DYNC2H1: variants seen among roughly 807,000 people sequenced by gnomAD.
DYNC2H1 encodes dynein cytoplasmic 2 heavy chain 1.
DYNC2H1 carries 410 observed loss-of-function variants against 570.0 expected under a neutral mutation model. That is an observed-to-expected ratio of 0.72 (90% CI 0.66 to 0.78). The LOEUF is 0.78. DYNC2H1 is among the 30% of genes least tolerant of loss of function. The pLI is 0.00. For missense variants in DYNC2H1, 4,865 were observed against 5,046.4 expected (o/e 0.96, Z 1.09); for synonymous variants, 1,688 against 1,677.6 (o/e 1.01, Z -0.15).
intron 79 of DYNC2H1, among the ~76,000 whole-genome samples, chr11:103,312,559 AAAAAAAACC>A (rs1411997367): frequency 0.13 from 17,734 of 141,488 alleles, 1,318 homozygotes; most frequent in Admixed American, 0.22. Context: ...AAAAAAAAAA[AAAAAAAACC>A]AATTGTAATG....
intron 87 of DYNC2H1, among the ~76,000 whole-genome samples, chr11:103,457,570 AAAT>A (rs952612224): frequency 8.2e-5 from 7 of 85,710 alleles, no homozygotes; most frequent in African/African-American, 2.0e-4. Flanking sequence ...AAAACTTAAA[AAAT>A]AATGATATAA....
intron 83 of DYNC2H1, among the ~76,000 whole-genome samples, chr11:103,377,459 TTAGAC>T (rs1325372506): frequency 6.6e-6 from 1 of 152,072 alleles, no homozygotes; most frequent in Admixed American, 6.5e-5. Flanking sequence ...ATAAGAGAGA[TTAGAC>T]TATCGTACAT....
chr11:103,467,062 G>A (rs1717463364), intron 87 of DYNC2H1, among the ~76,000 whole-genome samples: 1 of 151,990 alleles, frequency 6.6e-6, no homozygotes, highest in Non-Finnish European at 1.5e-5. Context: ...CAAAATGGAT[G>A]CACCTTAAAA....
In DYNC2H1 at chr11:103,268,697, T is replaced by C. The variant is rs1865596005; in HGVS notation, c.10695+8720T>C. Among the ~76,000 whole-genome samples, 1 of 152,000 alleles carries C rather than the reference T, an allele frequency of 6.6e-6. No homozygotes were observed. The highest frequency in any genetic ancestry group is 1.5e-5 in the Non-Finnish European group (1 of 67,916). ...TATTTTAAGCTGCCCCAAATCTTTT[T>C]TGAAAGTGGATATGTTATAAATAAA... On this transcript the variant is annotated intron_variant, in intron 70 of 88. Transcript: ENST00000375735. This position sits in a 1 kb window ranked among gnomAD's most constrained non-coding sequence, Gnocchi z 4.6.
intron 82 of DYNC2H1, among the ~76,000 whole-genome samples, chr11:103,337,208 C>T (rs904734683): frequency 1.3e-5 from 2 of 152,184 alleles, no homozygotes; most frequent in African/African-American, 2.4e-5. Context: ...CCTAAGAATA[C>T]TTTTAGTTAA....
chr11:103,216,920 A>T (rs968959651), intron 55 of DYNC2H1, among the ~76,000 whole-genome samples: 1 of 152,190 alleles, frequency 6.6e-6, no homozygotes, highest in African/African-American at 2.4e-5. Context: ...AGATTATGGT[A>T]CTATAATATA....
intron 26 of DYNC2H1, among the ~76,000 whole-genome samples, chr11:103,158,313 G>A (rs1286811586): frequency 1.3e-5 from 2 of 152,168 alleles, no homozygotes; most frequent in South Asian, 4.1e-4. Flanking sequence ...GCTAGGCGCG[G>A]TGGCGGGTGC....
chr11:103,162,203 T>G (rs946942785), intron 29 of DYNC2H1, among the ~76,000 whole-genome samples: 2 of 123,864 alleles, frequency 1.6e-5, no homozygotes, highest in Admixed American at 1.7e-4. Flanking sequence ...ATGTGTCTGT[T>G]GCCATGCACT....
rs549893733 is a variant in DYNC2H1 at position 103,343,089 on chromosome 11, T to C, written c.12040-15154T>C. ...AAAAGGCTAACAACCCCTGACTCTT[T>C]GGAGTTGGGAGCATTGGTTTGCCTG... On this transcript the variant is annotated intron_variant, in intron 82 of 88. Coordinates refer to ENST00000375735, the MANE Select transcript of DYNC2H1 (RefSeq NM_001377.3). Among the ~76,000 whole-genome samples the C allele has an allele frequency of 3.3e-5, 5 of 152,162 alleles. No individual in the cohort carries two copies. The South Asian group carries it at 1.0e-3, about 32-fold the overall frequency.
intron 84 of DYNC2H1, among the ~76,000 whole-genome samples, chr11:103,424,800 C>T (rs1943610628): frequency 6.6e-6 from 1 of 151,712 alleles, no homozygotes; most frequent in Non-Finnish European, 1.5e-5. Context: ...TTCAAGTTAC[C>T]AATATAAGGT....
At chr11:103,158,570 G>C in intron 26 of DYNC2H1, 107 bp from the exon 27 acceptor site, 1 of 823,828 alleles carries the variant, frequency 1.2e-6, no homozygotes, top group Non-Finnish European at 1.9e-6. Flanking sequence ...TGTTATAATA[G>C]TGTTACCTTT....
At chr11:103,451,236 A>G (rs1944587961) in intron 85 of DYNC2H1, among the ~76,000 whole-genome samples, 1 of 147,894 alleles carries the variant, frequency 6.8e-6, no homozygotes, top group African/African-American at 2.5e-5. Context: ...CTAATTTGTT[A>G]TAATTTTGAA....
intron 84 of DYNC2H1, among the ~76,000 whole-genome samples, chr11:103,435,334 C>A (rs1167091193): frequency 6.6e-6 from 1 of 151,988 alleles, no homozygotes; most frequent in Non-Finnish European, 1.5e-5. Context: ...TCCAGAAAAC[C>A]TTCACCAAAA....
At chr11:103,441,772 AATCT>A (rs1424618973) in intron 85 of DYNC2H1, among the ~76,000 whole-genome samples, 1 of 152,112 alleles carries the variant, frequency 6.6e-6, no homozygotes, top group Admixed American at 6.6e-5. Flanking sequence ...ATATTTCCAC[AATCT>A]ATCATTTGAA....
chr11:103,413,965 C>A (rs1204508657), intron 84 of DYNC2H1, among the ~76,000 whole-genome samples: 1 of 152,024 alleles, frequency 6.6e-6, no homozygotes, highest in African/African-American at 2.4e-5. Flanking sequence ...CAAATAAAAA[C>A]AGAAGTACAT....
intron 82 of DYNC2H1, among the ~76,000 whole-genome samples, chr11:103,353,636 G>C (rs1054086163): frequency 6.6e-6 from 1 of 151,888 alleles, no homozygotes; most frequent in Non-Finnish European, 1.5e-5. Flanking sequence ...TTTTTTCCCT[G>C]TAATACTTTT....
intron 87 of DYNC2H1, among the ~76,000 whole-genome samples, chr11:103,464,042 A>C (rs1317274322): frequency 6.6e-6 from 1 of 152,188 alleles, no homozygotes; most frequent in Non-Finnish European, 1.5e-5. Flanking sequence ...ATCCAAAGTA[A>C]ATGGGAAAAA....
chr11:103,238,914 G>T (rs1487321628), intron 63 of DYNC2H1, among the ~76,000 whole-genome samples: 1 of 152,102 alleles, frequency 6.6e-6, no homozygotes, highest in Admixed American at 6.6e-5. Flanking sequence ...CTTGGTCTAT[G>T]GTTTGCACTT....
At chr11:103,378,378 G>A (rs1314459956) in intron 83 of DYNC2H1, among the ~76,000 whole-genome samples, 1 of 152,026 alleles carries the variant, frequency 6.6e-6, no homozygotes, top group African/African-American at 2.4e-5. Flanking sequence ...GCCTTACTTT[G>A]CTCTGATTAA....
Sources: gnomAD v4.1 joint callset for allele counts (sites outside exome capture counted in the v4.1 genomes callset) on GRCh38, gnomAD v4.1.1 for gene constraint, Gnocchi (gnomAD v3.1) non-coding constraint, MANE v1.5 for transcripts, NCBI Gene and HGNC (gene_info 2026-07-23, HGNC 2026-07-21) for gene names.